Variants in DCUN1D5 observed in about 807,000 individuals in gnomAD.
DCUN1D5 encodes defective in cullin neddylation 1 domain containing 5.
A neutral mutation model predicts 38.3 loss-of-function variants in DCUN1D5; 10 were observed. The ratio of observed to expected loss-of-function variants is 0.26; its 90% CI spans 0.16 to 0.44. DCUN1D5 has a LOEUF of 0.44. Among genes scored for constraint, DCUN1D5 ranks in the 20% least tolerant of loss-of-function variants. DCUN1D5 has a pLI of 1.00. For synonymous variants in DCUN1D5, 93 were observed against 90.9 expected, an observed-to-expected ratio of 1.02 and a Z score of -0.13; for missense variants, 148 against 275.3, an observed-to-expected ratio of 0.54 and a Z score of 3.27.
intron 4 of DCUN1D5, 44 bp downstream of exon 4, chr11:103,082,704 C>T: frequency 7.9e-7 from 1 of 1,273,396 alleles, no homozygotes; most frequent in Middle Eastern, 1.9e-4. Context: ...CAATTAAGAT[C>T]TTCAAATAGG....
At chr11:103,089,841 CAG>C (rs1444471968) in intron 1 of DCUN1D5, among the ~76,000 whole-genome samples, 1 of 151,882 alleles carries the variant, frequency 6.6e-6, no homozygotes, top group Non-Finnish European at 1.5e-5. Context: ...TTAAATTACA[CAG>C]ATTTAAAAAA....
chr11:103,068,559 G>A (rs1358156526), intron 4 of DCUN1D5, among the ~76,000 whole-genome samples: 1 of 152,062 alleles, frequency 6.6e-6, no homozygotes, highest in Non-Finnish European at 1.5e-5. Flanking sequence ...GGTGCTAGAG[G>A]TCATTATCCT....
intron 2 of DCUN1D5, among the ~76,000 whole-genome samples, chr11:103,085,375 T>G (rs368262355): frequency 3.3e-5 from 5 of 152,300 alleles, no homozygotes; most frequent in Middle Eastern, 6.8e-3. Context: ...TGGCAGAGGT[T>G]GCAGTGAGCC....
intron 4 of DCUN1D5, among the ~76,000 whole-genome samples, chr11:103,081,610 T>C (rs1042602521): frequency 1.3e-5 from 2 of 152,122 alleles, no homozygotes; most frequent in East Asian, 3.9e-4. Flanking sequence ...AATTCTAGGT[T>C]CTAACTAAGC....
chr11:103,082,638 A>T (rs1450334455), intron 4 of DCUN1D5, 110 bp downstream of exon 4: 1 of 746,334 alleles, frequency 1.3e-6, no homozygotes, highest in Non-Finnish European at 2.2e-6. Context: ...TTATAGATCA[A>T]ACAGATTTGA....
Position 103,066,563 on chromosome 11 carries a change from C to A in DCUN1D5, c.346G>T (p.Asp116Tyr), listed in dbSNP as rs755269144. 1 of 1,585,692 alleles carries A rather than the reference C, an allele frequency of 6.3e-7. No homozygotes were observed. Among genetic ancestry groups the A allele is most frequent in the Non-Finnish European group, 8.6e-7 (1 of 1,158,084 alleles). The change falls in exon 5 of 8, where the codon GAC becomes TAC. Residue 116 changes from aspartate (D) to tyrosine (Y), a missense_variant. Asp to Tyr is a radical substitution (Grantham distance 160). Coordinates refer to ENST00000260247, the MANE Select transcript of DCUN1D5 (RefSeq NM_032299.4). The surrounding 1 kb of genome is among the most constrained non-coding windows in gnomAD (Gnocchi z 4.7). Reference protein sequence around the residue: ...WLKGMTSLQCDCTEKLQNKFD... With the variant: ...WLKGMTSLQCYCTEKLQNKFD... ...TTGTTTTGTAACTTTTCTGTGCAGT[C>A]ACACCTTAAATAAAAGAAATATCAA...
chr11:103,089,608 T>C (rs1862802594), intron 1 of DCUN1D5, among the ~76,000 whole-genome samples: 1 of 152,162 alleles, frequency 6.6e-6, no homozygotes, highest in Non-Finnish European at 1.5e-5. Flanking sequence ...AAGTTCAACC[T>C]AGTAGGTGGG....
rs757477953 is a variant in DCUN1D5 at position 103,078,533 on chromosome 11, C to T, written c.341+4215G>A. Among the ~76,000 whole-genome samples the T allele has an allele frequency of 6.6e-6, 1 of 152,180 alleles. No homozygotes were observed. The highest frequency in any genetic ancestry group is 1.5e-5 in the Non-Finnish European group (1 of 68,022). On this transcript the variant is annotated intron_variant, in intron 4 of 7. Coordinates refer to ENST00000260247, the MANE Select transcript of DCUN1D5 (RefSeq NM_032299.4). The surrounding 1 kb of genome is among the most constrained non-coding windows in gnomAD (Gnocchi z 4.6). The stretch of plus-strand genomic sequence containing the variant: ...AAAACAATTGCTCATTGAAAATTAT[C>T]CCCCAAATCTTTTAAAATTCCTGTG...
At position 103,087,755 on chromosome 11, in the gene DCUN1D5, T is replaced by C. The variant is rs1370160598; in HGVS notation, c.178+1472A>G. 6.6e-6 allele frequency among the ~76,000 whole-genome samples: 1 copy of C among 152,250 alleles called. No individual in the cohort carries two copies. The highest frequency in any genetic ancestry group is 2.4e-5 in the African/African-American group (1 of 41,464). Reference sequence around the variant, plus strand: ...GACAATTCCTGGAATAATGCAATTATTATGTTGGCTATTAAAAATGCTAAT... The same window carrying C: ...GACAATTCCTGGAATAATGCAATTACTATGTTGGCTATTAAAAATGCTAAT... On this transcript the variant is annotated intron_variant, in intron 2 of 7. Coordinates refer to ENST00000260247, the MANE Select transcript of DCUN1D5 (RefSeq NM_032299.4). This position sits in a 1 kb window ranked among gnomAD's most constrained non-coding sequence, Gnocchi z 4.1.
rs752231524 is a variant in DCUN1D5, at chr11:103,061,457, A to C, written c.*902T>G. Among the ~76,000 whole-genome samples the C allele has an allele frequency of 2.4e-4, 36 of 152,118 alleles. No homozygotes were observed. Among genetic ancestry groups the C allele is most frequent in the Non-Finnish European group, 3.8e-4 (26 of 68,002 alleles). ...AAATTGTGATAATTAGCAAGCTGCA[A>C]TACTACCAACGTAAATGGCTCTATT... is the stretch of plus-strand genomic sequence containing the variant. On this transcript the variant is annotated 3_prime_UTR_variant, in exon 8 of 8. Transcript: ENST00000260247.
rs1861944383 is a variant in DCUN1D5 at position 103,058,948 on chromosome 11, A to G, written c.*3411T>C. Reference sequence around the variant, plus strand: ...TTTTTGGCCTTTTGCTTTAACAAAGAAAGGCATTTAGTTTTCCTTTTTTTT... The same window carrying G: ...TTTTTGGCCTTTTGCTTTAACAAAGGAAGGCATTTAGTTTTCCTTTTTTTT... On this transcript the variant is annotated 3_prime_UTR_variant, in exon 8 of 8. Transcript: ENST00000260247. Among the ~76,000 whole-genome samples, 2 of 151,002 alleles carry G rather than the reference A, an allele frequency of 1.3e-5. No homozygotes were observed. The highest frequency in any genetic ancestry group is 6.6e-5 in the Admixed American group (1 of 15,108).
In DCUN1D5 at chr11:103,091,893, G is replaced by A. The variant is rs1862881090; in HGVS notation, c.-21C>T. 1 of 1,607,230 alleles carries A rather than the reference G, an allele frequency of 6.2e-7. No individual in the cohort carries two copies. Among genetic ancestry groups the A allele is most frequent in the Non-Finnish European group, 8.5e-7 (1 of 1,176,250 alleles). On this transcript the variant is annotated 5_prime_UTR_variant, in exon 1 of 8. Coordinates refer to ENST00000260247, the MANE Select transcript of DCUN1D5 (RefSeq NM_032299.4). The surrounding 1 kb of genome is among the most constrained non-coding windows in gnomAD (Gnocchi z 4.3). ...GGCATCTTCCGCCCTCCCCGGCAGG[G>A]TGGGCAGGGGAGCCGGGGAAGGGGG...
In DCUN1D5 at chr11:103,052,282, T is replaced by C. The variant is rs920748705; in HGVS notation, c.*10077A>G. On this transcript the variant is annotated 3_prime_UTR_variant, in exon 8 of 8. Coordinates refer to ENST00000260247, the MANE Select transcript of DCUN1D5 (RefSeq NM_032299.4). ...ACGTTTTACAGACATATGTGTACAA[T>C]TGGTCATTCATTCATTAATTCAGTA... 2.6e-5 allele frequency: 4 copies of C among 152,320 alleles called. No homozygotes were observed. Among genetic ancestry groups the C allele is most frequent in the East Asian group, 1.9e-4 (1 of 5,186 alleles). The allele number at this position is 152,320 out of a possible 1,614,324, so 9.4% of individuals were successfully genotyped here. A position where few individuals can be genotyped will look rare whatever the true frequency, so the allele number is the denominator to read the frequency against.
At position 103,056,807 on chromosome 11, in the gene DCUN1D5, C is replaced by G. The variant is rs994274874; in HGVS notation, c.*5552G>C. On this transcript the variant is annotated 3_prime_UTR_variant, in exon 8 of 8. Transcript: ENST00000260247. The surrounding 1 kb of genome is among the most constrained non-coding windows in gnomAD (Gnocchi z 4.9). ...CCTAGCTATTTCTTTTTATAAAAGA[C>G]AGTAAATTTGTCAGAAAAAAATAAA... Among the ~76,000 whole-genome samples the G allele has an allele frequency of 3.3e-5, 5 of 152,126 alleles. No individual in the cohort carries two copies. Among genetic ancestry groups the G allele is most frequent in the Non-Finnish European group, 7.4e-5 (5 of 68,004 alleles).
In DCUN1D5 at chr11:103,091,925, T is replaced by G; in HGVS notation, c.-53A>C. The G allele has an allele frequency of 3.3e-6, 5 of 1,531,664 alleles. No individual in the cohort carries two copies. The highest frequency in any genetic ancestry group is 4.4e-6 in the Non-Finnish European group (5 of 1,123,962). The allele number at this position is 1,531,664 out of a possible 1,614,324, so 94.9% of individuals were successfully genotyped here. On this transcript the variant is annotated 5_prime_UTR_variant, in exon 1 of 8. Coordinates refer to ENST00000260247, the MANE Select transcript of DCUN1D5 (RefSeq NM_032299.4). The surrounding 1 kb of genome is among the most constrained non-coding windows in gnomAD (Gnocchi z 4.3). The stretch of plus-strand genomic sequence containing the variant: ...GGGGAGCCGGGGAAGGGGGTCCCTG[T>G]CCGCTGGAAGCCCCTCAGCGCTGGC...
Position 103,087,139 on chromosome 11 carries a change from A to G in DCUN1D5, c.178+2088T>C, listed in dbSNP as rs1041824415. 3.3e-5 allele frequency among the ~76,000 whole-genome samples: 5 copies of G among 151,272 alleles called. No homozygotes were observed. Among genetic ancestry groups the G allele is most frequent in the Non-Finnish European group, 7.4e-5 (5 of 67,908 alleles). ...CCAGGAGTTGGAGACCAGTTTGGGC[A>G]ACATCGTGAAACCCCATTTCTTTTT... On this transcript the variant is annotated intron_variant, in intron 2 of 7. Coordinates refer to ENST00000260247, the MANE Select transcript of DCUN1D5 (RefSeq NM_032299.4). This position sits in a 1 kb window ranked among gnomAD's most constrained non-coding sequence, Gnocchi z 4.1.
In DCUN1D5 at chr11:103,078,319, C is replaced by G. The variant is rs1319474661; in HGVS notation, c.341+4429G>C. Among the ~76,000 whole-genome samples the G allele has an allele frequency of 6.6e-6, 1 of 152,234 alleles. No individual in the cohort carries two copies. The highest frequency in any genetic ancestry group is 1.5e-5 in the Non-Finnish European group (1 of 68,046). On this transcript the variant is annotated intron_variant, in intron 4 of 7. Transcript: ENST00000260247. This position sits in a 1 kb window ranked among gnomAD's most constrained non-coding sequence, Gnocchi z 4.6. ...ATGAGAAAAGACCTCCACTCTAGTA[C>G]ACTATGCCAGAACAAAAACTCGCCA...
In DCUN1D5 at chr11:103,051,599, T is replaced by G. The variant is rs1861739798; in HGVS notation, c.*10760A>C. 1 of 151,802 alleles carries G rather than the reference T, an allele frequency of 6.6e-6. No individual in the cohort carries two copies. Among genetic ancestry groups the G allele is most frequent in the Non-Finnish European group, 1.5e-5 (1 of 68,004 alleles). 9.4% of individuals were successfully genotyped at this position (151,802 alleles called of 1,614,324 possible). A position where few individuals can be genotyped will look rare whatever the true frequency, so the allele number is the denominator to read the frequency against. On this transcript the variant is annotated 3_prime_UTR_variant, in exon 8 of 8. Transcript: ENST00000260247. ...ATTATTTTCATTAGTCAATATCATT[T>G]ATTCTTTGTCATTAAACAAATATTT...
rs900428820 is a variant in DCUN1D5 at position 103,051,670 on chromosome 11, T to C, written c.*10689A>G. ...CATAGCATTAGGTTTTACTTAGCAT[T>C]TTACAAACACTTTTAAGTACAATAT... On this transcript the variant is annotated 3_prime_UTR_variant, in exon 8 of 8. Coordinates refer to ENST00000260247, the MANE Select transcript of DCUN1D5 (RefSeq NM_032299.4). The C allele has an allele frequency of 6.6e-6, 1 of 152,158 alleles. No homozygotes were observed. The highest frequency in any genetic ancestry group is 6.5e-5 in the Admixed American group (1 of 15,276). The allele number at this position is 152,158 out of a possible 1,614,324, so 9.4% of individuals were successfully genotyped here. A position where few individuals can be genotyped will look rare whatever the true frequency, so the allele number is the denominator to read the frequency against.
Sources: allele counts gnomAD v4.1 joint callset (sites outside exome capture counted in the v4.1 genomes callset), GRCh38; gene constraint gnomAD v4.1.1; non-coding constraint Gnocchi (gnomAD v3.1); transcripts MANE v1.5; gene names NCBI Gene and HGNC (gene_info 2026-07-23, HGNC 2026-07-21).